Variants in ADAMTS18 observed in about 807,000 individuals in gnomAD.
ADAMTS18 encodes A disintegrin and metalloproteinase with thrombospondin motifs 18.
A neutral mutation model predicts 165.9 loss-of-function variants in ADAMTS18; 157 were observed. The observed-to-expected ratio is 0.95, with a 90% CI of 0.83 to 1.08. ADAMTS18 has a LOEUF of 1.08. ADAMTS18 is among the 50% of genes least tolerant of loss of function. The pLI is 0.00. For missense variants in ADAMTS18, 2,040 were observed against 1,534.0 expected (o/e 1.33, Z -5.51); for synonymous variants, 782 against 578.2 (o/e 1.35, Z -5.06).
intron 21 of ADAMTS18, chr16:77,290,559 G>GTACATATTGATACC (rs1464259631): frequency 3.3e-5 from 5 of 153,416 alleles, no homozygotes; most frequent in Non-Finnish European, 7.2e-5. Flanking sequence ...GATAACGTAC[G>GTACATATTGATACC]TACATATTGA....
intron 10 of ADAMTS18, among the ~76,000 whole-genome samples, chr16:77,350,069 C>A (rs2056533563): frequency 1.3e-5 from 2 of 152,194 alleles, no homozygotes; most frequent in Non-Finnish European, 2.9e-5. Context: ...GCGCTTGGGA[C>A]CCTCTGACAA....
intron 22 of ADAMTS18, among the ~76,000 whole-genome samples, chr16:77,287,597 C>A (rs1362326691): frequency 1.3e-5 from 2 of 152,086 alleles, no homozygotes; most frequent in African/African-American, 4.8e-5. Context: ...CCCACCTCCC[C>A]AGTAGCTAGG....
chr16:77,425,758 G>A (rs1314925317), intron 3 of ADAMTS18, among the ~76,000 whole-genome samples: 1 of 152,116 alleles, frequency 6.6e-6, no homozygotes, highest in Admixed American at 6.6e-5. Context: ...AAGAGGAGGA[G>A]TGGGCCGGGC....
intron 13 of ADAMTS18, among the ~76,000 whole-genome samples, chr16:77,324,363 G>A (rs2056057287): frequency 6.6e-6 from 1 of 151,880 alleles, no homozygotes; most frequent in Admixed American, 6.5e-5. Context: ...AATGCCTCTA[G>A]TGATGGGGAC....
At chr16:77,316,894 T>C (rs1247054756) in intron 16 of ADAMTS18, among the ~76,000 whole-genome samples, 3 of 152,136 alleles carry the variant, frequency 2.0e-5, no homozygotes, top group African/African-American at 2.4e-5. Flanking sequence ...CTCATACTCC[T>C]GGTCTCAAGC....
At chr16:77,394,589 G>T (rs2057232771) in intron 3 of ADAMTS18, among the ~76,000 whole-genome samples, 1 of 151,954 alleles carries the variant, frequency 6.6e-6, no homozygotes, top group Admixed American at 6.6e-5. Flanking sequence ...GAAAGAGGAG[G>T]GTGGAAATCT....
chr16:77,320,770 G>T (rs547295318), intron 15 of ADAMTS18, among the ~76,000 whole-genome samples: 1 of 152,322 alleles, frequency 6.6e-6, no homozygotes, highest in Non-Finnish European at 1.5e-5. Context: ...ATTTAGCACT[G>T]TGAGTAGAGA....
chr16:77,287,272 T>C (rs2055272414), intron 22 of ADAMTS18, among the ~76,000 whole-genome samples: 1 of 152,150 alleles, frequency 6.6e-6, no homozygotes. Context: ...ACTAATGTTT[T>C]CTGAAAACTC....
intron 6 of ADAMTS18, 39 bp downstream of exon 6, chr16:77,363,763 G>T: frequency 6.4e-7 from 1 of 1,574,342 alleles, no homozygotes; most frequent in Non-Finnish European, 8.7e-7. Context: ...ATTCTGAACG[G>T]CAGACTGAAT....
In ADAMTS18 at chr16:77,311,179, T is replaced by C. The variant is rs142499918; in HGVS notation, c.2532+8670A>G. On this transcript the variant is annotated intron_variant, in intron 16 of 22. Coordinates refer to ENST00000282849, the MANE Select transcript of ADAMTS18 (RefSeq NM_199355.4). ...ACATACACTTCTGCTGAATTTTACA[T>C]CATCATAAGGACTTAGTGAATATAC... Among the ~76,000 whole-genome samples the C allele has an allele frequency of 1.0e-3, 156 of 152,318 alleles. 1 individual carries two copies. Among genetic ancestry groups the C allele is most frequent in the African/African-American group, 3.5e-3 (144 of 41,574 alleles).
At chr16:77,341,567 T>C (rs929746836) in intron 11 of ADAMTS18, 137 bp downstream of exon 11, 15 of 746,652 alleles carry the variant, frequency 2.0e-5, no homozygotes, top group Non-Finnish European at 3.3e-5. Context: ...ATTGCTGCTA[T>C]ATAATGTTGT....
chr16:77,363,214 G>C (rs8057114), intron 6 of ADAMTS18, among the ~76,000 whole-genome samples: 1 of 152,030 alleles, frequency 6.6e-6, no homozygotes, highest in Non-Finnish European at 1.5e-5. Context: ...ACATGTTCTG[G>C]TTTTCATAAT....
chr16:77,338,306 G>A (rs2056342731), intron 11 of ADAMTS18, among the ~76,000 whole-genome samples: 1 of 152,050 alleles, frequency 6.6e-6, no homozygotes, highest in Non-Finnish European at 1.5e-5. Context: ...CACGATCTTG[G>A]CACACTGTAG....
chr16:77,287,792 C>G (rs559160909), intron 22 of ADAMTS18, among the ~76,000 whole-genome samples: 4 of 152,096 alleles, frequency 2.6e-5, no homozygotes, highest in African/African-American at 7.2e-5. Context: ...TTTAATAAGC[C>G]ATTTCTCATA....
At chr16:77,372,103 T>C (rs1021186458) in intron 3 of ADAMTS18, among the ~76,000 whole-genome samples, 1 of 152,170 alleles carries the variant, frequency 6.6e-6, no homozygotes, top group Non-Finnish European at 1.5e-5. Flanking sequence ...GAATGACTAT[T>C]ATCACAATGA....
At chr16:77,378,466 G>C (rs926773450) in intron 3 of ADAMTS18, among the ~76,000 whole-genome samples, 5 of 152,140 alleles carry the variant, frequency 3.3e-5, no homozygotes, top group African/African-American at 1.2e-4. Flanking sequence ...TGTAATCCCA[G>C]CATGTTGGGA....
chr16:77,373,355 A>G (rs1310795169), intron 3 of ADAMTS18, among the ~76,000 whole-genome samples: 1 of 151,856 alleles, frequency 6.6e-6, no homozygotes, highest in East Asian at 1.9e-4. Flanking sequence ...GCTACTCGGG[A>G]GGCTGAGGCA....
At chr16:77,307,734 G>A (rs1302656201) in intron 16 of ADAMTS18, among the ~76,000 whole-genome samples, 6 of 152,120 alleles carry the variant, frequency 3.9e-5, no homozygotes. Context: ...TGTGTCTTGT[G>A]TCTTCACTCA....
intron 7 of ADAMTS18, among the ~76,000 whole-genome samples, chr16:77,361,559 C>T (rs1382759005): frequency 1.3e-5 from 2 of 152,132 alleles, no homozygotes; most frequent in African/African-American, 4.8e-5. Flanking sequence ...TAATGTATCT[C>T]ACACCTCAAT....
Sources: gnomAD v4.1 joint callset for allele counts (sites outside exome capture counted in the v4.1 genomes callset) on GRCh38, gnomAD v4.1.1 for gene constraint, MANE v1.5 for transcripts, NCBI Gene and HGNC (gene_info 2026-07-23, HGNC 2026-07-21) for gene names.